Variants in APP observed in about 807,000 individuals in gnomAD.
APP encodes amyloid-beta precursor protein.
A neutral mutation model predicts 101.4 loss-of-function variants in APP; 31 were observed. That is an observed-to-expected ratio of 0.31 (90% CI 0.23 to 0.41). The LOEUF is 0.41. Ranked by LOEUF, APP falls within the 10% of genes least tolerant of loss-of-function variation. The probability of loss-of-function intolerance (pLI) is 1.00; values close to 1 mark genes in which losing one functional copy is unlikely to be tolerated. For missense variants in APP, 839 were observed against 1,003.7 expected (o/e 0.84, Z 2.22); for synonymous variants, 366 against 364.4 (o/e 1.00, Z -0.05).
intron 2 of APP, among the ~76,000 whole-genome samples, chr21:26,104,482 CA>C (rs1363544955): frequency 6.6e-6 from 1 of 152,156 alleles, no homozygotes; most frequent in Admixed American, 6.5e-5. Flanking sequence ...AACAAAGACT[CA>C]ATTTAAACCA....
At chr21:25,901,278 CAG>C (rs113785878) in intron 15 of APP, among the ~76,000 whole-genome samples, 3,959 of 106,374 alleles carry the variant, frequency 0.037, 207 homozygotes, top group African/African-American at 0.13. Context: ...AGCCTGGAAA[CAG>C]AGACAAATCC....
At chr21:26,035,044 G>C (rs893753927) in intron 5 of APP, among the ~76,000 whole-genome samples, 2 of 152,126 alleles carry the variant, frequency 1.3e-5, no homozygotes, top group Non-Finnish European at 2.9e-5. Flanking sequence ...CTAGCACTCT[G>C]GGAGACGGAG....
At chr21:26,042,642 C>G (rs1412215030) in intron 5 of APP, among the ~76,000 whole-genome samples, 1 of 152,156 alleles carries the variant, frequency 6.6e-6, no homozygotes, top group Non-Finnish European at 1.5e-5. Flanking sequence ...TGGCTCATGC[C>G]TGTAATCTCA....
chr21:26,048,796 T>C (rs1307983652), intron 5 of APP, among the ~76,000 whole-genome samples: 1 of 93,982 alleles, frequency 1.1e-5, no homozygotes, highest in Non-Finnish European at 2.1e-5. Flanking sequence ...CAGGTGAACA[T>C]TTATAAATAT....
chr21:26,043,911 G>A (rs1212067210), intron 5 of APP, among the ~76,000 whole-genome samples: 1 of 152,180 alleles, frequency 6.6e-6, no homozygotes, highest in African/African-American at 2.4e-5. Flanking sequence ...ACTTAACCAT[G>A]AGTCTGAGAT....
At chr21:26,050,157 A>C (rs992056200) in intron 5 of APP, among the ~76,000 whole-genome samples, 1 of 152,166 alleles carries the variant, frequency 6.6e-6, no homozygotes, top group African/African-American at 2.4e-5. Flanking sequence ...AGAAAAAAAA[A>C]CAAGCATCCT....
intron 5 of APP, among the ~76,000 whole-genome samples, chr21:26,046,069 G>C (rs753278440): frequency 6.6e-6 from 1 of 151,758 alleles, no homozygotes; most frequent in Non-Finnish European, 1.5e-5. Flanking sequence ...CACTTCACAG[G>C]AACAGCATGG....
intron 1 of APP, among the ~76,000 whole-genome samples, chr21:26,143,879 A>G (rs749172753): frequency 1.3e-5 from 2 of 152,124 alleles, no homozygotes. Flanking sequence ...CCTCACCCCT[A>G]TTGTTTATTG....
At chr21:26,106,815 C>T (rs1568982759) in intron 2 of APP, among the ~76,000 whole-genome samples, 1 of 152,128 alleles carries the variant, frequency 6.6e-6, no homozygotes, top group East Asian at 1.9e-4. Context: ...TAGGTCTTTC[C>T]TCCAGGAGTC....
intron 2 of APP, among the ~76,000 whole-genome samples, chr21:26,107,290 G>A (rs74318261): frequency 0.039 from 5,989 of 152,180 alleles, 239 homozygotes; most frequent in Admixed American, 0.12. Context: ...GATGATTCCT[G>A]TTCATAGCCA....
At chr21:26,154,897 G>A (rs1183069353) in intron 1 of APP, among the ~76,000 whole-genome samples, 3 of 152,216 alleles carry the variant, frequency 2.0e-5, no homozygotes, top group Admixed American at 1.3e-4. Flanking sequence ...GTCCAATACA[G>A]TAACCACTAG....
Position 25,897,328 on chromosome 21 carries a change from C to A in APP, c.2064+245G>T, listed in dbSNP as rs756685900. On this transcript the variant is annotated intron_variant, in intron 16 of 17. Transcript: ENST00000346798. ...ATGGGGTTTCACCATATTGGCCAGG[C>A]TGGTCTCGAATTTCTGACCTCGTGA... Among the ~76,000 whole-genome samples the A allele has an allele frequency of 1.1e-4, 17 of 152,128 alleles. No homozygotes were observed. In the South Asian group the frequency reaches 3.3e-3, roughly 30 times the overall value.
chr21:25,888,927 C>T (rs907747882), intron 17 of APP, among the ~76,000 whole-genome samples: 2 of 152,122 alleles, frequency 1.3e-5, no homozygotes, highest in Non-Finnish European at 1.5e-5. Flanking sequence ...TTCTCAAATC[C>T]GACTGCACAT....
At chr21:26,063,133 T>C (rs893786413) in intron 3 of APP, among the ~76,000 whole-genome samples, 2 of 152,190 alleles carry the variant, frequency 1.3e-5, no homozygotes, top group Admixed American at 6.5e-5. Context: ...AGATGGTGGA[T>C]GGAGTGAGAA....
intron 3 of APP, chr21:26,053,593 A>G: frequency 2.6e-6 from 1 of 385,418 alleles, no homozygotes; most frequent in Non-Finnish European, 4.9e-6. Flanking sequence ...TTGTCCCTTA[A>G]TTAATCTGAA....
chr21:26,130,326 CTTTGT>C (rs45497491), intron 1 of APP, among the ~76,000 whole-genome samples: 1,594 of 152,296 alleles, frequency 0.01, 19 homozygotes, highest in African/African-American at 0.036. Flanking sequence ...AAGAAAACTT[CTTTGT>C]TTTAAGTTCT....
At chr21:25,952,389 T>TTA (rs1555901975) in intron 13 of APP, among the ~76,000 whole-genome samples, 1 of 151,818 alleles carries the variant, frequency 6.6e-6, no homozygotes, top group African/African-American at 2.4e-5. Context: ...TTTTTTTTTT[T>TTA]CTTTTTACAG....
At chr21:25,929,185 T>TA (rs1464717498) in intron 13 of APP, among the ~76,000 whole-genome samples, 1 of 152,354 alleles carries the variant, frequency 6.6e-6, no homozygotes, top group East Asian at 1.9e-4. Context: ...AGGTGATTGT[T>TA]ACGTGAAATT....
intron 3 of APP, chr21:26,068,273 A>C (rs2046537477): frequency 6.6e-6 from 1 of 152,094 alleles, no homozygotes; most frequent in Admixed American, 6.5e-5. Context: ...TTGCTCCAAC[A>C]ATCTGCAACT....
Sources: allele counts gnomAD v4.1 joint callset (sites outside exome capture counted in the v4.1 genomes callset), GRCh38; gene constraint gnomAD v4.1.1; transcripts MANE v1.5; gene names NCBI Gene and HGNC (gene_info 2026-07-23, HGNC 2026-07-21).